GLI4: variants seen among roughly 807,000 people sequenced by gnomAD.
The protein encoded by GLI4 is zinc finger protein GLI4.
Under a neutral mutation model 30.9 loss-of-function variants are expected in GLI4, and 34 were observed. That is an observed-to-expected ratio of 1.10 (90% CI 0.84 to 1.47). GLI4 has a LOEUF of 1.47. GLI4 is among the 40% of genes most tolerant of loss of function. The pLI is 0.00. For synonymous variants in GLI4, 277 were observed against 236.7 expected (o/e 1.17, Z -1.56); for missense variants, 696 against 538.9 (o/e 1.29, Z -2.89).
chr8:143,275,486 CCA>C, intron 3 of GLI4: 1 of 1,321,270 alleles, frequency 7.6e-7, no homozygotes, highest in Non-Finnish European at 9.6e-7. Flanking sequence ...GGAGCTGTGC[CCA>C]TATGGACCAC....
At chr8:143,267,665 G>T in intron 1 of GLI4, 181 bp downstream of exon 1, 1 of 985,288 alleles carries the variant, frequency 1.0e-6, no homozygotes, top group Non-Finnish European at 1.2e-6. Context: ...CCTGGGGGTC[G>T]CGGAGCAGCA....
intron 1 of GLI4, chr8:143,267,905 T>G: frequency 2.0e-6 from 2 of 985,384 alleles, no homozygotes; most frequent in Non-Finnish European, 2.4e-6. Flanking sequence ...CCCACGGGGC[T>G]GGGAACAGAG....
rs1815376148 is a variant in GLI4, at chr8:143,275,994, TC to T, written c.325del (p.Arg109AlafsTer37). On this transcript the variant is annotated frameshift_variant, in exon 4 of 4. Coordinates refer to ENST00000340042, the MANE Select transcript of GLI4 (RefSeq NM_138465.4). LOFTEE classifies it high-confidence loss of function. ...CGCTGCGCAGCCTCCTGAGGAGCCT[TC>T]CCCGCAGGGCCCGGTGCAGCGCCGG... ...GALRSLLRSL[P>X]RRARCSAGFG... 1 of 1,403,278 alleles carries T rather than the reference TC, an allele frequency of 7.1e-7. No homozygotes were observed. Among genetic ancestry groups the T allele is most frequent in the South Asian group, 1.5e-5 (1 of 64,970 alleles). 86.9% of individuals were successfully genotyped at this position (1,403,278 alleles called of 1,614,324 possible). A position where few individuals can be genotyped will look rare whatever the true frequency, so the allele number is the denominator to read the frequency against.
Position 143,274,722 on chromosome 8 carries a change from C to G in GLI4, c.143C>G (p.Pro48Arg). The G allele has an allele frequency of 1.3e-6, 2 of 1,563,468 alleles. No homozygotes were observed. The highest frequency in any genetic ancestry group is 1.7e-6 in the Non-Finnish European group (2 of 1,152,538). The change falls in exon 3 of 4, where the codon CCT becomes CGT. Residue 48 changes from proline (P) to arginine (R), a missense_variant. Pro to Arg is a moderately radical substitution (Grantham distance 103). Transcript: ENST00000340042. Reference sequence around the variant, plus strand: ...CCCCCAGGCTCCCCTGGCTCCAGCCCTAAGGTGCTCTCCCAGCCGTCCGAC... The same window carrying G: ...CCCCCAGGCTCCCCTGGCTCCAGCCGTAAGGTGCTCTCCCAGCCGTCCGAC... Reference protein sequence around the residue: ...GHQHGSPGSSPKVLSQPSDLD... With the variant: ...GHQHGSPGSSRKVLSQPSDLD...
intron 2 of GLI4, among the ~76,000 whole-genome samples, chr8:143,270,248 G>A (rs1003269463): frequency 2.0e-5 from 3 of 152,250 alleles, no homozygotes; most frequent in Non-Finnish European, 4.4e-5. Context: ...CTCTTGGGGA[G>A]TCAGAGTCCT....
At chr8:143,275,246 C>A in intron 3 of GLI4, 1 of 1,526,004 alleles carries the variant, frequency 6.6e-7, no homozygotes, top group Non-Finnish European at 8.8e-7. Context: ...CTGCACCTCC[C>A]CCTTGAGAAG....
chr8:143,276,898 C>A lies in GLI4; in HGVS notation c.*94C>A. 1 of 770,922 alleles carries A rather than the reference C, an allele frequency of 1.3e-6. No individual in the cohort carries two copies. The highest frequency in any genetic ancestry group is 2.0e-6 in the Non-Finnish European group (1 of 491,712). 47.8% of individuals were successfully genotyped at this position (770,922 alleles called of 1,614,324 possible). ...GGGCACTGCCCAGCACCGCATGCCA[C>A]GTGTCCGGAATAAATTCTTTTTGAT... On this transcript the variant is annotated 3_prime_UTR_variant, in exon 4 of 4. Transcript: ENST00000340042.
Position 143,269,426 on chromosome 8 carries a change from C to A in GLI4, c.30C>A (p.Ser10=). ...CAGCCCTAGGGGACATTCAGGAGTCCCCTTCTGTCCCGTCCCCTGTCAGTC... is the reference window on the plus strand; with the variant it reads ...CAGCCCTAGGGGACATTCAGGAGTCACCTTCTGTCCCGTCCCCTGTCAGTC... The part of the protein sequence containing the change: MAALGDIQE[S]PSVPSPVSLS... The change falls in exon 2 of 4, where the codon TCC becomes TCA. Residue 10 remains serine, a synonymous_variant. Coordinates refer to ENST00000340042, the MANE Select transcript of GLI4 (RefSeq NM_138465.4). The A allele has an allele frequency of 2.5e-6, 4 of 1,609,292 alleles. No individual in the cohort carries two copies. The highest frequency in any genetic ancestry group is 3.4e-6 in the Non-Finnish European group (4 of 1,176,134).
chr8:143,267,589 C>T, intron 1 of GLI4, 105 bp downstream of exon 1: 2 of 985,344 alleles, frequency 2.0e-6, no homozygotes, highest in East Asian at 1.1e-4. Flanking sequence ...CCGGGCCGTG[C>T]GGCCCTTGCA....
At chr8:143,275,741 C>A in intron 3 of GLI4, 156 bp from the exon 4 acceptor site, 1 of 1,239,744 alleles carries the variant, frequency 8.1e-7, no homozygotes, top group Non-Finnish European at 1.0e-6. Context: ...GCACTCCGAG[C>A]CCCTGTCCGC....
At chr8:143,275,020 G>A (rs944736160) in intron 3 of GLI4, 37 of 1,518,708 alleles carry the variant, frequency 2.4e-5, no homozygotes, top group Non-Finnish European at 3.3e-5. Context: ...GCAGCCCACA[G>A]CCACCTGCGC....
Position 143,275,345 on chromosome 8 carries a change from G to A in GLI4, c.223+543G>A, listed in dbSNP as rs112556359. On this transcript the variant is annotated intron_variant, in intron 3 of 3. Coordinates refer to ENST00000340042, the MANE Select transcript of GLI4 (RefSeq NM_138465.4). Reference sequence around the variant, plus strand: ...CCCACATCTGGGCGGCCCTGGGGTGGGGAGCAGGTGTCTGAGGTCAGGTCC... The same window carrying A: ...CCCACATCTGGGCGGCCCTGGGGTGAGGAGCAGGTGTCTGAGGTCAGGTCC... 258 of 1,417,188 alleles carry A rather than the reference G, an allele frequency of 1.8e-4. 3 individuals are homozygous for A. The African/African-American group carries it at 3.0e-3, about 17-fold the overall frequency. 87.8% of individuals were successfully genotyped at this position (1,417,188 alleles called of 1,614,324 possible).
chr8:143,269,536 G>C lies in GLI4; in HGVS notation c.124+16G>C, dbSNP rs201963714. 37 of 1,606,686 alleles carry C rather than the reference G, an allele frequency of 2.3e-5. No individual in the cohort carries two copies. The Admixed American group carries it at 3.7e-4, about 16-fold the overall frequency. ...CATCAACATGGTACTCACCCAGCCC[G>C]CTGTGCGCCCTCCACCCTGCATCCC... On this transcript the variant is annotated intron_variant, in intron 2 of 3. Coordinates refer to ENST00000340042, the MANE Select transcript of GLI4 (RefSeq NM_138465.4).
At position 143,267,479 on chromosome 8, in the gene GLI4, C is replaced by T. The variant is rs961772985; in HGVS notation, c.-43C>T. The T allele has an allele frequency of 1.5e-5, 15 of 986,074 alleles. No homozygotes were observed. Among genetic ancestry groups the T allele is most frequent in the East Asian group, 1.1e-4 (1 of 8,778 alleles). The allele number at this position is 986,074 out of a possible 1,614,324, so 61.1% of individuals were successfully genotyped here. A position where few individuals can be genotyped will look rare whatever the true frequency, so the allele number is the denominator to read the frequency against. On this transcript the variant is annotated 5_prime_UTR_variant, in exon 1 of 4. Coordinates refer to ENST00000340042, the MANE Select transcript of GLI4 (RefSeq NM_138465.4). ...CGGCGCGCGGCGTCCTCCTCCCGCT[C>T]GGAAGGTGAGTGGGCGCGGGCGGCG...
intron 2 of GLI4, among the ~76,000 whole-genome samples, chr8:143,274,117 G>A (rs756737245): frequency 9.9e-5 from 15 of 152,206 alleles, no homozygotes; most frequent in Non-Finnish European, 2.2e-4. Context: ...GGGGTGAGGG[G>A]CTCATAGATG....
Position 143,267,454 on chromosome 8 carries a change from C to A in GLI4, c.-68C>A. The stretch of plus-strand genomic sequence containing the variant: ...TGGGGCGGGGCCGGACACTTCCGTC[C>A]GGCGCGCGGCGTCCTCCTCCCGCTC... On this transcript the variant is annotated 5_prime_UTR_variant, in exon 1 of 4. Coordinates refer to ENST00000340042, the MANE Select transcript of GLI4 (RefSeq NM_138465.4). 1 of 985,318 alleles carries A rather than the reference C, an allele frequency of 1.0e-6. No homozygotes were observed. 61.0% of individuals were successfully genotyped at this position (985,318 alleles called of 1,614,324 possible).
intron 2 of GLI4, among the ~76,000 whole-genome samples, chr8:143,270,300 G>A (rs905799594): frequency 2.6e-5 from 4 of 152,238 alleles, no homozygotes; most frequent in African/African-American, 9.6e-5. Context: ...GAGCAGCTGC[G>A]CTGCATGGGG....
At chr8:143,269,670 A>G (rs1305609833) in intron 2 of GLI4, 150 bp downstream of exon 2, 13 of 716,766 alleles carry the variant, frequency 1.8e-5, no homozygotes, top group Non-Finnish European at 3.1e-5. Context: ...GGGTTCCCAC[A>G]CCCTCAGGCC....
chr8:143,276,110 C>G lies in GLI4; in HGVS notation c.437C>G (p.Thr146Arg). Residue 146 changes from threonine to arginine, a missense_variant, in exon 4 of 4, where the codon ACG becomes AGG. Physicochemically the swap from Thr to Arg is moderately conservative, Grantham distance 71. Transcript: ENST00000340042. ...CAGCCGCGGGGCGCCTGGCGCGTGACGCTCGTGCAGCAAGCAGCGGCCGGG... is the reference window on the plus strand; with the variant it reads ...CAGCCGCGGGGCGCCTGGCGCGTGAGGCTCGTGCAGCAAGCAGCGGCCGGG... ...CAQPRGAWRV[T>R]LVQQAAAGPE... is the part of the protein sequence containing the mutation. 6.8e-7 allele frequency: 1 copy of G among 1,463,674 alleles called. No homozygotes were observed. The highest frequency in any genetic ancestry group is 9.0e-7 in the Non-Finnish European group (1 of 1,117,130). The allele number at this position is 1,463,674 out of a possible 1,614,324, so 90.7% of individuals were successfully genotyped here.
Sources: allele counts gnomAD v4.1 joint callset (sites outside exome capture counted in the v4.1 genomes callset), GRCh38; gene constraint gnomAD v4.1.1; transcripts MANE v1.5; gene names NCBI Gene and HGNC (gene_info 2026-07-23, HGNC 2026-07-21).